BCAS3: variants seen among roughly 807,000 people sequenced by gnomAD.
BCAS3 encodes BCAS3 microtubule associated cell migration factor.
Under a neutral mutation model 116.1 loss-of-function variants are expected in BCAS3, and 53 were observed. The observed-to-expected ratio is 0.46, with a 90% CI of 0.37 to 0.57. BCAS3 has a LOEUF of 0.57. Among genes scored for constraint, BCAS3 ranks in the 20% least tolerant of loss-of-function variants. The pLI is 0.00. For missense variants in BCAS3, 917 were observed against 1,165.4 expected (o/e 0.79, Z 3.10); for synonymous variants, 391 against 408.2 (o/e 0.96, Z 0.51).
chr17:61,368,576 G>C lies in BCAS3; in HGVS notation c.2593+82G>C. 7.0e-7 allele frequency: 1 copy of C among 1,435,792 alleles called. No individual in the cohort carries two copies. The highest frequency in any genetic ancestry group is 9.3e-7 in the Non-Finnish European group (1 of 1,072,632). 88.9% of individuals were successfully genotyped at this position (1,435,792 alleles called of 1,614,324 possible). On this transcript the variant is annotated intron_variant, in intron 23 of 23. Coordinates refer to ENST00000407086, the MANE Select transcript of BCAS3 (RefSeq NM_017679.5). This position sits in a 1 kb window ranked among gnomAD's most constrained non-coding sequence, Gnocchi z 6.0. ...CAGAGCTTCTCTGGAATCGTTTGTGGGCATATGTTTGTTTTTGCTGTTGGT... is the reference window on the plus strand; with the variant it reads ...CAGAGCTTCTCTGGAATCGTTTGTGCGCATATGTTTGTTTTTGCTGTTGGT...
chr17:60,888,010 T>TC (rs1190321077), intron 9 of BCAS3, among the ~76,000 whole-genome samples: 1 of 152,208 alleles, frequency 6.6e-6, no homozygotes, highest in East Asian at 1.9e-4. Context: ...GAGATTCATG[T>TC]CCCCCCAACC....
intron 22 of BCAS3, among the ~76,000 whole-genome samples, chr17:61,232,149 G>A (rs1040057883): frequency 3.0e-5 from 4 of 132,468 alleles, no homozygotes; most frequent in African/African-American, 1.1e-4. Context: ...AGCTTGCAGT[G>A]AGCCGAGATC....
chr17:60,895,886 G>C (rs1191246118), intron 10 of BCAS3, among the ~76,000 whole-genome samples: 1 of 152,152 alleles, frequency 6.6e-6, no homozygotes, highest in Non-Finnish European at 1.5e-5. Flanking sequence ...GAAGATACTT[G>C]ATATGATTCA....
At chr17:61,304,204 T>G (rs1172795629) in intron 22 of BCAS3, among the ~76,000 whole-genome samples, 2 of 152,230 alleles carry the variant, frequency 1.3e-5, no homozygotes, top group Non-Finnish European at 2.9e-5. Context: ...AATTATCTGG[T>G]CTTCCCACCT....
chr17:61,345,822 G>T (rs1407007585), intron 22 of BCAS3, among the ~76,000 whole-genome samples: 1 of 152,162 alleles, frequency 6.6e-6, no homozygotes, highest in East Asian at 1.9e-4. Flanking sequence ...GACTCCAGGG[G>T]CAAGCAGGCT....
rs1420532449 is a variant in BCAS3 at position 61,186,235 on chromosome 17, C to T, written c.2425+101671C>T. On this transcript the variant is annotated intron_variant, in intron 22 of 23. Coordinates refer to ENST00000407086, the MANE Select transcript of BCAS3 (RefSeq NM_017679.5). The surrounding 1 kb of genome is among the most constrained non-coding windows in gnomAD (Gnocchi z 4.9). Reference sequence around the variant, plus strand: ...GTTAAGGTTGTCTTTGATATGATAGCTTATTTATATATTCATACACATTCT... The same window carrying T: ...GTTAAGGTTGTCTTTGATATGATAGTTTATTTATATATTCATACACATTCT... Among the ~76,000 whole-genome samples the T allele has an allele frequency of 4.6e-5, 7 of 152,024 alleles. No individual in the cohort carries two copies. Among genetic ancestry groups the T allele is most frequent in the Admixed American group, 3.3e-4 (5 of 15,262 alleles).
At chr17:61,119,682 A>AAT (rs1017378091) in intron 22 of BCAS3, among the ~76,000 whole-genome samples, 8 of 151,624 alleles carry the variant, frequency 5.3e-5, no homozygotes, top group Non-Finnish European at 8.8e-5. Context: ...ACAAGGCAGT[A>AAT]ATATATATAT....
At chr17:60,832,587 A>AT (rs896196673) in intron 7 of BCAS3, among the ~76,000 whole-genome samples, 232 of 151,640 alleles carry the variant, frequency 1.5e-3, no homozygotes, top group African/African-American at 5.1e-3. Context: ...CTGAGGTAGG[A>AT]TTTTTTTTTG....
At chr17:61,027,622 T>C (rs1271738684) in intron 16 of BCAS3, among the ~76,000 whole-genome samples, 1 of 151,932 alleles carries the variant, frequency 6.6e-6, no homozygotes, top group Non-Finnish European at 1.5e-5. Context: ...GTGTTAAGAA[T>C]GGTATAAAAT....
chr17:61,148,159 A>G (rs1415660120), intron 22 of BCAS3, among the ~76,000 whole-genome samples: 1 of 152,176 alleles, frequency 6.6e-6, no homozygotes, highest in African/African-American at 2.4e-5. Flanking sequence ...TGTGTAATTT[A>G]TATTAATACA....
chr17:61,164,636 C>A (rs1427867740), intron 22 of BCAS3, among the ~76,000 whole-genome samples: 1 of 152,162 alleles, frequency 6.6e-6, no homozygotes, highest in Non-Finnish European at 1.5e-5. Context: ...GCCCAATTTG[C>A]TTGCTCTGTC....
rs57275173 is a variant in BCAS3 at position 61,386,796 on chromosome 17, G to GT, written c.2594-5164dup. On this transcript the variant is annotated intron_variant, in intron 23 of 23. Coordinates refer to ENST00000407086, the MANE Select transcript of BCAS3 (RefSeq NM_017679.5). ...CTGTTTTTTTTTGTTTTTGTTTTTT[G>GT]TTTTTTTTTTTTTTTTTGAGATGCC... is the stretch of plus-strand genomic sequence containing the variant. Among the ~76,000 whole-genome samples the GT allele has an allele frequency of 1.2e-3, 136 of 113,830 alleles. 1 individual carries two copies. Among genetic ancestry groups the GT allele is most frequent in the South Asian group, 6.7e-3 (22 of 3,296 alleles). The allele number at this position is 113,830 out of a possible 152,430, so 74.7% of individuals were successfully genotyped here. A position where few individuals can be genotyped will look rare whatever the true frequency, so the allele number is the denominator to read the frequency against.
intron 22 of BCAS3, among the ~76,000 whole-genome samples, chr17:61,245,548 A>C (rs2144521286): frequency 6.6e-6 from 1 of 151,780 alleles, no homozygotes; most frequent in Non-Finnish European, 1.5e-5. Context: ...AATATTATTG[A>C]GCTGTATAAA....
Position 60,902,722 on chromosome 17 carries a change from T to G in BCAS3, c.822+19T>G, listed in dbSNP as rs532914656. The G allele has an allele frequency of 1.4e-5, 22 of 1,548,922 alleles. 1 individual carries two copies. Among genetic ancestry groups the G allele is most frequent in the African/African-American group, 9.5e-5 (7 of 73,560 alleles). ...TGCTAAAGTGAGTACCTCCGAAATC[T>G]TGGAGAGTTGTGGTTATGTGTAGTA... On this transcript the variant is annotated intron_variant, in intron 11 of 23. Transcript: ENST00000407086.
At chr17:61,080,745 G>A (rs1601068435) in intron 21 of BCAS3, among the ~76,000 whole-genome samples, 1 of 152,326 alleles carries the variant, frequency 6.6e-6, no homozygotes. Context: ...GGGCAACAGA[G>A]TGAGACTCCG....
chr17:60,836,288 C>A (rs1045445368), intron 7 of BCAS3, among the ~76,000 whole-genome samples: 2 of 152,122 alleles, frequency 1.3e-5, no homozygotes, highest in South Asian at 2.1e-4. Flanking sequence ...GTGATTAAAT[C>A]TTTTAACAGA....
intron 19 of BCAS3, chr17:61,069,718 A>C (rs1348091692): frequency 3.5e-6 from 2 of 572,192 alleles, no homozygotes; most frequent in Non-Finnish European, 6.2e-6. Context: ...CACGCCTGTA[A>C]TCCCAGCTAC....
At chr17:61,015,662 C>A in intron 15 of BCAS3, 89 bp from the exon 16 acceptor site, 1 of 1,305,362 alleles carries the variant, frequency 7.7e-7, no homozygotes, top group Non-Finnish European at 1.1e-6. Context: ...TAAATGATTA[C>A]TGGAGTCAGT....
rs531486317 is a variant in BCAS3, at chr17:61,227,546, G to T, written c.2426-140781G>T. Among the ~76,000 whole-genome samples the T allele has an allele frequency of 1.3e-5, 2 of 152,218 alleles. No individual in the cohort carries two copies. Among genetic ancestry groups the T allele is most frequent in the Non-Finnish European group, 2.9e-5 (2 of 68,040 alleles). On this transcript the variant is annotated intron_variant, in intron 22 of 23. Coordinates refer to ENST00000407086, the MANE Select transcript of BCAS3 (RefSeq NM_017679.5). The surrounding 1 kb of genome is among the most constrained non-coding windows in gnomAD (Gnocchi z 6.1). Reference sequence around the variant, plus strand: ...CCCATGAATGAAGTGAAATGACCAGGTAGACAGTAGAACCAGGCCTGTGTG... The same window carrying T: ...CCCATGAATGAAGTGAAATGACCAGTTAGACAGTAGAACCAGGCCTGTGTG...
Sources: gnomAD v4.1 joint callset for allele counts (sites outside exome capture counted in the v4.1 genomes callset) on GRCh38, gnomAD v4.1.1 for gene constraint, Gnocchi (gnomAD v3.1) non-coding constraint, MANE v1.5 for transcripts, NCBI Gene and HGNC (gene_info 2026-07-23, HGNC 2026-07-21) for gene names.